Variants in USP13 observed in about 807,000 individuals in gnomAD.
USP13 encodes the protein ubiquitin carboxyl-terminal hydrolase 13.
In USP13, 68 loss-of-function variants were observed where a neutral mutation model predicts 107.8. That is an observed-to-expected ratio of 0.63 (90% CI 0.52 to 0.77). USP13 has a LOEUF of 0.77. USP13 is among the 30% of genes least tolerant of loss of function. USP13 has a pLI of 0.00. For missense variants in USP13, 945 were observed against 1,093.3 expected (o/e 0.86, Z 1.91); for synonymous variants, 377 against 389.5 (o/e 0.97, Z 0.38).
rs779051347 is a variant in USP13 at position 179,653,295 on chromosome 3, A to G, written c.70A>G (p.Ile24Val). The G allele has an allele frequency of 1.2e-5, 19 of 1,573,996 alleles. No individual in the cohort carries two copies. Among genetic ancestry groups the G allele is most frequent in the Non-Finnish European group, 1.6e-5 (19 of 1,160,502 alleles). Residue 24 changes from isoleucine (I) to valine (V), a missense_variant, in exon 1 of 21, where the codon ATC becomes GTC. Ile to Val is a conservative substitution (Grantham distance 29, BLOSUM62 3). Coordinates refer to ENST00000263966, the MANE Select transcript of USP13 (RefSeq NM_003940.3). The surrounding 1 kb of genome is among the most constrained non-coding windows in gnomAD (Gnocchi z 4.0). ...SGGRKMAAGD[I>V]GELLVPHMPT... is the part of the protein sequence containing the mutation. ...AGGCAGGAAGATGGCTGCAGGAGACATCGGCGAGCTGCTAGTGCCCCACAT... is the reference window on the plus strand; with the variant it reads ...AGGCAGGAAGATGGCTGCAGGAGACGTCGGCGAGCTGCTAGTGCCCCACAT...
chr3:179,706,622 G>T (rs17788187), intron 4 of USP13, among the ~76,000 whole-genome samples: 27,342 of 152,134 alleles, frequency 0.18, 2,586 homozygotes, highest in Admixed American at 0.24. Context: ...CTTGCAAATT[G>T]TTCACCTCCT....
At chr3:179,749,965 T>C (rs550296391) in intron 13 of USP13, among the ~76,000 whole-genome samples, 39 of 152,214 alleles carry the variant, frequency 2.6e-4, no homozygotes, top group African/African-American at 8.9e-4. Flanking sequence ...AAAGAACATT[T>C]TTACATTAAA....
intron 4 of USP13, among the ~76,000 whole-genome samples, chr3:179,706,270 A>C (rs6805646): frequency 0.89 from 135,843 of 152,232 alleles, 60,968 homozygotes; most frequent in Non-Finnish European, 0.94. Context: ...AAGCCAATAG[A>C]ACATTGGCTA....
intron 8 of USP13, among the ~76,000 whole-genome samples, chr3:179,723,653 A>G (rs1174164719): frequency 6.6e-6 from 1 of 152,162 alleles, no homozygotes; most frequent in African/African-American, 2.4e-5. Context: ...TATTACTAAT[A>G]TTTTACATTC....
intron 15 of USP13, among the ~76,000 whole-genome samples, chr3:179,756,218 A>T (rs1483224668): frequency 6.6e-6 from 1 of 152,110 alleles, no homozygotes; most frequent in Non-Finnish European, 1.5e-5. Flanking sequence ...AAGTCAGGAG[A>T]TTAAGACCAT....
intron 6 of USP13, among the ~76,000 whole-genome samples, chr3:179,717,906 G>T (rs1467276195): frequency 6.6e-6 from 1 of 151,884 alleles, no homozygotes; most frequent in Non-Finnish European, 1.5e-5. Flanking sequence ...TGGGCCTCTG[G>T]GGGAAGAGGA....
chr3:179,666,067 A>G (rs1030559041), intron 1 of USP13, among the ~76,000 whole-genome samples: 1 of 152,150 alleles, frequency 6.6e-6, no homozygotes, highest in African/African-American at 2.4e-5. Context: ...CTTGGCTTGT[A>G]TGTGAGATAG....
In USP13 at chr3:179,708,931, TG is replaced by T. The variant is rs1712823905; in HGVS notation, c.782del (p.Gly261GlufsTer28). The T allele has an allele frequency of 6.2e-7, 1 of 1,614,142 alleles. No homozygotes were observed. The highest frequency in any genetic ancestry group is 8.5e-7 in the Non-Finnish European group (1 of 1,180,028). ...ATGGGCTACCCACTAGCCGTGAAAC[TG>T]GGAACCATCACTCCTGACGGGGCAG... ...RDMGYPLAVK[L>X]GTITPDGADV... On this transcript the variant is annotated frameshift_variant, in exon 6 of 21. Transcript: ENST00000263966. LOFTEE classifies it high-confidence loss of function.
At chr3:179,657,940 C>T (rs1156647423) in intron 1 of USP13, among the ~76,000 whole-genome samples, 1 of 152,062 alleles carries the variant, frequency 6.6e-6, no homozygotes. Context: ...CTCCTCTCAT[C>T]TCTTTGGTTG....
In USP13 at chr3:179,784,089, G is replaced by A. The variant is rs891953782; in HGVS notation, c.2540G>A (p.Arg847Lys). Residue 847 changes from arginine to lysine, a missense_variant, in exon 21 of 21, where the codon AGG (arginine) becomes AAG (lysine). By Grantham distance (26) the Arg-to-Lys change is conservative. Transcript: ENST00000263966. ...YNDHKVCASE[R>K]PPKDLGYMYF... is the part of the protein sequence containing the mutation. ...GACCACAAAGTTTGTGCCTCAGAAA[G>A]GCCCCCTAAAGACCTGGGCTACATG... 1.2e-6 allele frequency: 2 copies of A among 1,613,232 alleles called. No individual in the cohort carries two copies. The highest frequency in any genetic ancestry group is 1.1e-5 in the South Asian group (1 of 90,868).
chr3:179,657,297 C>T (rs1720294452), intron 1 of USP13, among the ~76,000 whole-genome samples: 1 of 152,120 alleles, frequency 6.6e-6, no homozygotes, highest in Non-Finnish European at 1.5e-5. Flanking sequence ...GCAGGTGGAT[C>T]ACCTGAGGTC....
chr3:179,680,963 T>G (rs772855457), intron 1 of USP13, among the ~76,000 whole-genome samples: 3 of 150,840 alleles, frequency 2.0e-5, no homozygotes, highest in Non-Finnish European at 4.4e-5. Context: ...TCCTCACCAA[T>G]GAATGAGGAA....
chr3:179,755,085 T>G (rs1047822226), intron 15 of USP13, among the ~76,000 whole-genome samples: 5 of 151,382 alleles, frequency 3.3e-5, no homozygotes, highest in East Asian at 1.9e-4. Context: ...AAATGGACAG[T>G]TTTTTTTTGT....
At chr3:179,722,944 T>G (rs1418007420) in intron 8 of USP13, among the ~76,000 whole-genome samples, 1 of 152,210 alleles carries the variant, frequency 6.6e-6, no homozygotes, top group Non-Finnish European at 1.5e-5. Context: ...TGTGGCTGTT[T>G]TCTTCCTTGG....
At chr3:179,656,541 A>G (rs888148943) in intron 1 of USP13, among the ~76,000 whole-genome samples, 4 of 152,114 alleles carry the variant, frequency 2.6e-5, no homozygotes, top group Non-Finnish European at 4.4e-5. Context: ...CTATTTTGGG[A>G]TGAGTGAGAA....
chr3:179,741,243 C>T (rs1714187847), intron 11 of USP13, among the ~76,000 whole-genome samples: 1 of 150,466 alleles, frequency 6.6e-6, no homozygotes, highest in South Asian at 2.1e-4. Context: ...TTGACAGAGT[C>T]TTGCTCTTGT....
At chr3:179,702,329 T>G (rs1254082662) in intron 4 of USP13, among the ~76,000 whole-genome samples, 15 of 152,194 alleles carry the variant, frequency 9.9e-5, no homozygotes, top group Non-Finnish European at 1.0e-4. Context: ...TGGTCTCCCA[T>G]TTCTTTTCCT....
At chr3:179,744,347 T>TTG (rs1054695878) in intron 12 of USP13, among the ~76,000 whole-genome samples, 22 of 129,510 alleles carry the variant, frequency 1.7e-4, no homozygotes, top group African/African-American at 5.6e-4. Flanking sequence ...GGTTCTGTTT[T>TTG]TTTTTTTGTT....
intron 19 of USP13, among the ~76,000 whole-genome samples, chr3:179,772,629 A>G (rs544295819): frequency 2.6e-5 from 4 of 152,312 alleles, no homozygotes; most frequent in African/African-American, 9.6e-5. Context: ...CACTGGTGCT[A>G]ATTCTCCTCC....
Sources: allele counts gnomAD v4.1 joint callset (sites outside exome capture counted in the v4.1 genomes callset), GRCh38; gene constraint gnomAD v4.1.1; non-coding constraint Gnocchi (gnomAD v3.1); transcripts MANE v1.5; gene names NCBI Gene and HGNC (gene_info 2026-07-23, HGNC 2026-07-21).